UMAD1: variants seen among roughly 807,000 people sequenced by gnomAD.
UMAD1 encodes the protein UBAP1-MVB12-associated (UMA) domain containing 1.
A neutral mutation model predicts 6.1 loss-of-function variants in UMAD1; 8 were observed. The ratio of observed to expected loss-of-function variants is 1.30; its 90% CI spans 0.76 to 2.35. The LOEUF (loss-of-function observed/expected upper bound fraction) is 2.35, where lower values mean the gene tolerates loss of function less well. Among genes scored for constraint, UMAD1 ranks in the 30% most tolerant of loss-of-function variants. The probability of loss-of-function intolerance (pLI) is 0.00; values close to 1 mark genes in which losing one functional copy is unlikely to be tolerated. For missense variants in UMAD1, 130 were observed against 78.4 expected (o/e 1.66, Z -2.49); for synonymous variants, 56 against 31.4 (o/e 1.78, Z -2.61).
intron 1 of UMAD1, among the ~76,000 whole-genome samples, chr7:7,651,060 C>G (rs866229371): frequency 2.6e-5 from 4 of 151,926 alleles, no homozygotes; most frequent in Middle Eastern, 3.2e-3. Flanking sequence ...AGAGAAAGCC[C>G]AAAGCAATAC....
At chr7:7,668,910 C>T (rs1779536142) in intron 1 of UMAD1, among the ~76,000 whole-genome samples, 1 of 152,152 alleles carries the variant, frequency 6.6e-6, no homozygotes, top group Non-Finnish European at 1.5e-5. Context: ...AGGGCACTCA[C>T]ACACCCACCC....
chr7:7,866,834 TG>T (rs1784237616), intron 3 of UMAD1, among the ~76,000 whole-genome samples: 2 of 152,160 alleles, frequency 1.3e-5, no homozygotes, highest in Admixed American at 1.3e-4. Flanking sequence ...ATGCTACAAG[TG>T]GTAGGGAGAG....
intron 3 of UMAD1, among the ~76,000 whole-genome samples, chr7:7,853,470 T>A (rs1044405112): frequency 2.6e-5 from 4 of 152,160 alleles, no homozygotes; most frequent in African/African-American, 9.7e-5. Context: ...TCCATTTATT[T>A]AGGTCTTAAT....
intron 3 of UMAD1, among the ~76,000 whole-genome samples, chr7:7,816,047 A>G (rs150740872): frequency 1.6e-4 from 24 of 152,288 alleles, no homozygotes; most frequent in African/African-American, 5.8e-4. Context: ...TTAAAAAAAA[A>G]TCTTGGATAA....
At chr7:7,727,651 A>G (rs753851433) in intron 2 of UMAD1, among the ~76,000 whole-genome samples, 4 of 152,158 alleles carry the variant, frequency 2.6e-5, no homozygotes, top group African/African-American at 4.8e-5. Context: ...AACACCCTCT[A>G]ATCAACTGTT....
chr7:7,810,803 T>A (rs543904719), intron 3 of UMAD1, among the ~76,000 whole-genome samples: 1 of 152,308 alleles, frequency 6.6e-6, no homozygotes, highest in East Asian at 1.9e-4. Flanking sequence ...AAACAGTCGG[T>A]CTGTTGAGAA....
chr7:7,730,786 A>T (rs1781232516), intron 2 of UMAD1, among the ~76,000 whole-genome samples: 2 of 152,242 alleles, frequency 1.3e-5, no homozygotes, highest in African/African-American at 4.8e-5. Flanking sequence ...GAAAGATGAC[A>T]ATTTTCAAAG....
rs7798813 is a variant in UMAD1, at chr7:7,830,904, C to A, written c.156+29161C>A. On this transcript the variant is annotated intron_variant, in intron 3 of 3. Transcript: ENST00000682710. This position sits in a 1 kb window ranked among gnomAD's most constrained non-coding sequence, Gnocchi z 5.3. ...TTGTTATTAGTTTTTATGAATAAGC[C>A]AATCACCCAAACATTTCCTCATGTG... Among the ~76,000 whole-genome samples the A allele has an allele frequency of 0.03, 4,507 of 152,082 alleles. 217 individuals carry two copies. Among genetic ancestry groups the A allele is most frequent in the African/African-American group, 0.1 (4,222 of 41,470 alleles).
intron 2 of UMAD1, among the ~76,000 whole-genome samples, chr7:7,731,733 T>C (rs781281836): frequency 5.3e-5 from 8 of 152,160 alleles, no homozygotes; most frequent in Non-Finnish European, 8.8e-5. Context: ...CTAGAGCAAA[T>C]TTGAAATAAG....
intron 3 of UMAD1, among the ~76,000 whole-genome samples, chr7:7,837,785 A>T (rs1165982550): frequency 6.6e-6 from 1 of 152,128 alleles, no homozygotes; most frequent in Admixed American, 6.6e-5. Context: ...TATTAGATTA[A>T]ATTCAAAAGA....
At chr7:7,641,843 G>T (rs1411361553) in intron 1 of UMAD1, 2 of 152,174 alleles carry the variant, frequency 1.3e-5, no homozygotes, top group African/African-American at 2.4e-5. Context: ...GAGACTTCAC[G>T]TGGCAATTTA....
At chr7:7,814,908 C>T (rs897593145) in intron 3 of UMAD1, among the ~76,000 whole-genome samples, 1 of 152,086 alleles carries the variant, frequency 6.6e-6, no homozygotes, top group Admixed American at 6.5e-5. Context: ...AGCCTCCTTT[C>T]CAGGTCATCA....
chr7:7,747,976 G>A (rs1015547094), intron 2 of UMAD1, among the ~76,000 whole-genome samples: 3 of 152,064 alleles, frequency 2.0e-5, no homozygotes, highest in Admixed American at 6.6e-5. Flanking sequence ...TATGTTTCTT[G>A]TTTTGTTTTG....
intron 2 of UMAD1, among the ~76,000 whole-genome samples, chr7:7,737,042 C>T (rs1781372627): frequency 1.3e-5 from 2 of 152,352 alleles, no homozygotes; most frequent in African/African-American, 2.4e-5. Flanking sequence ...CCTTCTTTGG[C>T]GTGGGCCATG....
At chr7:7,819,558 T>C (rs549181335) in intron 3 of UMAD1, among the ~76,000 whole-genome samples, 1 of 152,200 alleles carries the variant, frequency 6.6e-6, no homozygotes, top group East Asian at 1.9e-4. Context: ...TTGAGTTGGA[T>C]AAAGCTACGT....
chr7:7,747,274 T>C (rs1453932711), intron 2 of UMAD1, among the ~76,000 whole-genome samples: 2 of 152,218 alleles, frequency 1.3e-5, no homozygotes, highest in African/African-American at 4.8e-5. Context: ...GTATATTTAA[T>C]TTAATTAGGT....
intron 3 of UMAD1, among the ~76,000 whole-genome samples, chr7:7,824,708 A>G (rs1453738376): frequency 1.3e-5 from 2 of 152,158 alleles, no homozygotes; most frequent in African/African-American, 4.8e-5. Context: ...AATCTCTACT[A>G]TCTAGTACTA....
intron 2 of UMAD1, among the ~76,000 whole-genome samples, chr7:7,796,795 T>A (rs1782693318): frequency 6.6e-6 from 1 of 152,144 alleles, no homozygotes; most frequent in African/African-American, 2.4e-5. Flanking sequence ...TTCATCTCCC[T>A]GCCCCATGAC....
intron 2 of UMAD1, among the ~76,000 whole-genome samples, chr7:7,681,198 A>C (rs1779903405): frequency 6.6e-6 from 1 of 152,178 alleles, no homozygotes; most frequent in African/African-American, 2.4e-5. Context: ...GAAAGGTCAG[A>C]GTAAATTATG....
Sources: allele counts gnomAD v4.1 joint callset (sites outside exome capture counted in the v4.1 genomes callset), GRCh38; gene constraint gnomAD v4.1.1; non-coding constraint Gnocchi (gnomAD v3.1); transcripts MANE v1.5; gene names NCBI Gene and HGNC (gene_info 2026-07-23, HGNC 2026-07-21).